Variants in SNAP25 observed in about 807,000 individuals in gnomAD.
SNAP25 encodes the protein synaptosomal-associated protein 25.
Under a neutral mutation model 28.7 loss-of-function variants are expected in SNAP25, and 3 were observed. The ratio of observed to expected loss-of-function variants is 0.10; its 90% CI spans 0.05 to 0.27. The LOEUF is 0.27. Ranked by LOEUF, SNAP25 falls within the 10% of genes least tolerant of loss-of-function variation. The pLI, the probability that SNAP25 is intolerant of heterozygous loss-of-function variation, is 1.00. For synonymous variants in SNAP25, 61 were observed against 88.1 expected, an observed-to-expected ratio of 0.69 and a Z score of 1.72; for missense variants, 117 against 278.7, an observed-to-expected ratio of 0.42 and a Z score of 4.13.
intron 7 of SNAP25, among the ~76,000 whole-genome samples, chr20:10,301,845 TATAA>T (rs1309929805): frequency 2.0e-5 from 3 of 146,734 alleles, no homozygotes; most frequent in Non-Finnish European, 3.0e-5. Flanking sequence ...ACCTTATATA[TATAA>T]ATAAATAACT....
chr20:10,284,857 C>T (rs554265769), intron 4 of SNAP25, 85 bp downstream of exon 4: 1 of 1,088,156 alleles, frequency 9.2e-7, no homozygotes, highest in Non-Finnish European at 1.4e-6. Flanking sequence ...CAGATGGTCG[C>T]TTTGACATGT....
intron 1 of SNAP25, among the ~76,000 whole-genome samples, chr20:10,248,943 G>A (rs1247881373): frequency 6.6e-6 from 1 of 152,150 alleles, no homozygotes; most frequent in Non-Finnish European, 1.5e-5. Context: ...AATAACTCTG[G>A]TCACAGCAGT....
chr20:10,249,974 G>T (rs1270894330), intron 1 of SNAP25, among the ~76,000 whole-genome samples: 1 of 152,124 alleles, frequency 6.6e-6, no homozygotes, highest in Admixed American at 6.5e-5. Flanking sequence ...CACCCTCAGA[G>T]ATTCCAATTC....
intron 1 of SNAP25, among the ~76,000 whole-genome samples, chr20:10,261,626 CAT>C (rs980745629): frequency 2.0e-5 from 3 of 152,088 alleles, no homozygotes; most frequent in Non-Finnish European, 2.9e-5. Flanking sequence ...ATTAAACAAA[CAT>C]AATTAGCCAT....
chr20:10,300,814 AG>A, intron 7 of SNAP25, among the ~76,000 whole-genome samples: 1 of 152,314 alleles, frequency 6.6e-6, no homozygotes, highest in South Asian at 2.1e-4. Context: ...GTTGTTAAGA[AG>A]GCTTTCATAT....
chr20:10,268,346 A>T (rs1296949444), intron 1 of SNAP25, among the ~76,000 whole-genome samples: 1 of 152,178 alleles, frequency 6.6e-6, no homozygotes, highest in Non-Finnish European at 1.5e-5. Context: ...AGACATCAAG[A>T]TGTAGGTTTT....
intron 4 of SNAP25, among the ~76,000 whole-genome samples, chr20:10,290,034 A>C (rs1600767686): frequency 6.6e-6 from 1 of 152,058 alleles, no homozygotes; most frequent in African/African-American, 2.4e-5. Context: ...GAATAAACAG[A>C]AATGAGCCAG....
At chr20:10,285,927 CAG>C (rs898616669) in intron 4 of SNAP25, among the ~76,000 whole-genome samples, 3 of 152,094 alleles carry the variant, frequency 2.0e-5, no homozygotes, top group Non-Finnish European at 4.4e-5. Flanking sequence ...GTTGGGAAAA[CAG>C]AAACTCCTAT....
intron 1 of SNAP25, among the ~76,000 whole-genome samples, chr20:10,229,258 T>C (rs866004015): frequency 3.9e-4 from 59 of 152,192 alleles, no homozygotes; most frequent in African/African-American, 1.3e-3. Flanking sequence ...GTGTTAAGGA[T>C]TTTTGTTGGG....
At chr20:10,259,511 G>A (rs2063375197) in intron 1 of SNAP25, among the ~76,000 whole-genome samples, 1 of 152,122 alleles carries the variant, frequency 6.6e-6, no homozygotes, top group Admixed American at 6.5e-5. Context: ...CCATTTTAAA[G>A]GACCAGCTAA....
chr20:10,296,235 A>G (rs1253058311), intron 5 of SNAP25: 1 of 151,408 alleles, frequency 6.6e-6, no homozygotes, highest in Non-Finnish European at 1.5e-5. Flanking sequence ...TGCTTCTTTT[A>G]CTTTTTGTCT....
intron 1 of SNAP25, among the ~76,000 whole-genome samples, chr20:10,267,521 T>TA (rs1308404957): frequency 2.6e-5 from 4 of 151,432 alleles, no homozygotes; most frequent in Admixed American, 1.3e-4. Flanking sequence ...TAAATGAAAC[T>TA]AAAAATAGTC....
intron 1 of SNAP25, among the ~76,000 whole-genome samples, chr20:10,239,115 A>C (rs1460454065): frequency 6.6e-6 from 1 of 152,194 alleles, no homozygotes; most frequent in Admixed American, 6.5e-5. Context: ...AATTTTATAC[A>C]CTGGTTCCAA....
intron 1 of SNAP25, among the ~76,000 whole-genome samples, chr20:10,239,391 G>C (rs2062983730): frequency 6.6e-6 from 1 of 152,228 alleles, no homozygotes; most frequent in Non-Finnish European, 1.5e-5. Context: ...GAACGAAGGA[G>C]ATACTATATT....
chr20:10,260,068 C>T (rs1426139162), intron 1 of SNAP25, among the ~76,000 whole-genome samples: 3 of 152,158 alleles, frequency 2.0e-5, no homozygotes, highest in Admixed American at 6.5e-5. Flanking sequence ...AGACTTTGGA[C>T]AGATCTCTTA....
chr20:10,263,757 G>A (rs1447276599), intron 1 of SNAP25, among the ~76,000 whole-genome samples: 2 of 152,170 alleles, frequency 1.3e-5, no homozygotes, highest in Non-Finnish European at 2.9e-5. Flanking sequence ...TTTCTTGCGA[G>A]AGCTCCTAAA....
chr20:10,282,489 G>T (rs2063799071), intron 3 of SNAP25, among the ~76,000 whole-genome samples: 1 of 152,180 alleles, frequency 6.6e-6, no homozygotes, highest in Non-Finnish European at 1.5e-5. Context: ...CCTCAAATTA[G>T]TTGCGTGAAT....
chr20:10,296,391 C>A (rs362995), intron 5 of SNAP25: 17,178 of 158,004 alleles, frequency 0.11, 1,176 homozygotes, highest in East Asian at 0.19. Flanking sequence ...CTTCATGGAG[C>A]TTTGGAAATG....
At chr20:10,285,836 C>T (rs2063866291) in intron 4 of SNAP25, among the ~76,000 whole-genome samples, 3 of 152,132 alleles carry the variant, frequency 2.0e-5, no homozygotes, top group Non-Finnish European at 4.4e-5. Flanking sequence ...ATGCTCTAAT[C>T]ACCAACAATG....
Sources: gnomAD v4.1 joint callset for allele counts (sites outside exome capture counted in the v4.1 genomes callset) on GRCh38, gnomAD v4.1.1 for gene constraint, MANE v1.5 for transcripts, NCBI Gene and HGNC (gene_info 2026-07-23, HGNC 2026-07-21) for gene names.